The following SLC25A47 variants were observed in gnomAD, a reference collection of about 807,000 sequenced individuals.
SLC25A47 encodes HCC-down-regulated mitochondrial carrier protein.
SLC25A47 carries 30 observed loss-of-function variants against 29.8 expected under a neutral mutation model. The ratio of observed to expected loss-of-function variants is 1.01; its 90% CI spans 0.75 to 1.36. The LOEUF (loss-of-function observed/expected upper bound fraction) is 1.36. Among genes scored for constraint, SLC25A47 ranks in the 40% most tolerant of loss-of-function variants. SLC25A47 has a pLI of 0.00. For synonymous variants in SLC25A47, 204 were observed against 197.8 expected, an observed-to-expected ratio of 1.03 and a Z score of -0.26; for missense variants, 430 against 441.9, an observed-to-expected ratio of 0.97 and a Z score of 0.24.
At chr14:100,324,016 A>T (rs1320740955) in intron 1 of SLC25A47, among the ~76,000 whole-genome samples, 1 of 152,056 alleles carries the variant, frequency 6.6e-6, no homozygotes, top group Non-Finnish European at 1.5e-5. Context: ...TGAAAGACTG[A>T]TTCAGGGAGA....
intron 1 of SLC25A47, 122 bp downstream of exon 1, chr14:100,323,564 T>C: frequency 1.2e-5 from 15 of 1,201,068 alleles, no homozygotes; most frequent in Non-Finnish European, 1.8e-5. Flanking sequence ...CCCCCCAGGA[T>C]CTGCCAGGAG....
At chr14:100,323,882 G>A (rs907383320) in intron 1 of SLC25A47, among the ~76,000 whole-genome samples, 2 of 152,160 alleles carry the variant, frequency 1.3e-5, no homozygotes, top group Non-Finnish European at 2.9e-5. Context: ...GGACGGTAAG[G>A]GGCCTGGCGA....
At chr14:100,323,582 C>T in intron 1 of SLC25A47, 140 bp downstream of exon 1, 3 of 1,038,730 alleles carry the variant, frequency 2.9e-6, no homozygotes, top group Middle Eastern at 4.9e-4. Context: ...GAGCAGAGAG[C>T]AGGTTCCTGG....
Position 100,328,907 on chromosome 14 carries a change from C to T in SLC25A47, c.509C>T (p.Ala170Val), listed in dbSNP as rs557523374. 2 of 1,610,340 alleles carry T rather than the reference C, an allele frequency of 1.2e-6. No individual in the cohort carries two copies. The highest frequency in any genetic ancestry group is 1.6e-4 in the Middle Eastern group (1 of 6,062). ...RGPLHCLATV[A>V]REEGLCGLYK... is the part of the protein sequence containing the mutation. ...CCACTGCACTGCCTGGCCACGGTAG[C>T]CCGTGAGGAGGGGCTGTGCGGCCTC... The change falls in exon 5 of 6, where the codon GCC (alanine) becomes GTC (valine). Residue 170 changes from alanine (A) to valine (V), a missense_variant. Physicochemically the swap from Ala to Val is moderately conservative, Grantham distance 64. Coordinates refer to ENST00000361529, the MANE Select transcript of SLC25A47 (RefSeq NM_207117.4).
intron 1 of SLC25A47, 115 bp downstream of exon 1, chr14:100,323,557 C>G: frequency 1.6e-6 from 2 of 1,259,762 alleles, no homozygotes; most frequent in East Asian, 2.4e-5. Flanking sequence ...CCCCTCACCC[C>G]CCAGGATCTG....
At chr14:100,326,099 C>T in intron 2 of SLC25A47, 58 bp from the exon 3 acceptor site, 1 of 1,449,342 alleles carries the variant, frequency 6.9e-7, no homozygotes, top group Non-Finnish European at 9.6e-7. Flanking sequence ...TCCCCAGGGC[C>T]TGCTGGCCTT....
At position 100,327,384 on chromosome 14, in the gene SLC25A47, G is replaced by C; in HGVS notation, c.327+14G>C. ...GGCCTCGTCCGCGTGAGTAGGGGCA[G>C]CCAGGGTGGGGAAGGCCCAAGAGAG... is the stretch of plus-strand genomic sequence containing the variant. On this transcript the variant is annotated intron_variant, in intron 4 of 5. Transcript: ENST00000361529. 13 of 1,580,662 alleles carry C rather than the reference G, an allele frequency of 8.2e-6. No homozygotes were observed. The highest frequency in any genetic ancestry group is 1.1e-5 in the Non-Finnish European group (13 of 1,169,354).
In SLC25A47 at chr14:100,323,388, C is replaced by T. The variant is rs1453335670; in HGVS notation, c.-27C>T. On this transcript the variant is annotated 5_prime_UTR_variant, in exon 1 of 6. Transcript: ENST00000361529. The stretch of plus-strand genomic sequence containing the variant: ...CCAAAGCCCTCTCAGGCAGGCAGAC[C>T]CAGGGCCTCCCCGCCACACCTTGTT... 5 of 1,612,682 alleles carry T rather than the reference C, an allele frequency of 3.1e-6. No homozygotes were observed. Among genetic ancestry groups the T allele is most frequent in the Non-Finnish European group, 4.2e-6 (5 of 1,179,712 alleles).
chr14:100,323,383 C>CT lies in SLC25A47; in HGVS notation c.-32_-31insT. On this transcript the variant is annotated 5_prime_UTR_variant, in exon 1 of 6. Coordinates refer to ENST00000361529, the MANE Select transcript of SLC25A47 (RefSeq NM_207117.4). ...TGGCACCAAAGCCCTCTCAGGCAGGCAGACCCAGGGCCTCCCCGCCACACC... is the reference window on the plus strand; with the variant it reads ...TGGCACCAAAGCCCTCTCAGGCAGGCTAGACCCAGGGCCTCCCCGCCACACC... 1.2e-6 allele frequency: 2 copies of CT among 1,612,068 alleles called. No individual in the cohort carries two copies. Among genetic ancestry groups the CT allele is most frequent in the South Asian group, 2.2e-5 (2 of 91,034 alleles).
At chr14:100,328,532 G>A (rs914294502) in intron 4 of SLC25A47, among the ~76,000 whole-genome samples, 194 bp from the exon 5 acceptor site, 1 of 152,270 alleles carries the variant, frequency 6.6e-6, no homozygotes, top group African/African-American at 2.4e-5. Flanking sequence ...GGCTGCCGAG[G>A]AAGCATGGGC....
chr14:100,325,157 G>C (rs1402166355), intron 1 of SLC25A47, among the ~76,000 whole-genome samples: 3 of 152,208 alleles, frequency 2.0e-5, no homozygotes, highest in Admixed American at 2.0e-4. Flanking sequence ...CTGTGGCAGT[G>C]CTGGGGCTTG....
chr14:100,329,662 G>T lies in SLC25A47; in HGVS notation c.*17G>T, dbSNP rs769564458. The T allele has an allele frequency of 6.3e-7, 1 of 1,593,718 alleles. No individual in the cohort carries two copies. Among genetic ancestry groups the T allele is most frequent in the East Asian group, 2.2e-5 (1 of 44,632 alleles). On this transcript the variant is annotated 3_prime_UTR_variant, in exon 6 of 6. Coordinates refer to ENST00000361529, the MANE Select transcript of SLC25A47 (RefSeq NM_207117.4). ...CTCACATAGCCGGTCCCCACGCCCA[G>T]CGGCCCACCCACCAGCAGCTGCTGG... is the stretch of plus-strand genomic sequence containing the variant.
intron 4 of SLC25A47, 61 bp downstream of exon 4, chr14:100,327,431 TC>T: frequency 6.6e-7 from 1 of 1,509,352 alleles, no homozygotes; most frequent in Non-Finnish European, 8.9e-7. Flanking sequence ...TGAGAGGTTA[TC>T]CATCCTGGCA....
At chr14:100,327,672 G>T (rs1472582952) in intron 4 of SLC25A47, among the ~76,000 whole-genome samples, 1 of 152,224 alleles carries the variant, frequency 6.6e-6, no homozygotes, top group Admixed American at 6.5e-5. Flanking sequence ...CCACCATGGG[G>T]AGCTGAATAG....
At chr14:100,326,701 C>T (rs1893345020) in intron 3 of SLC25A47, among the ~76,000 whole-genome samples, 3 of 152,192 alleles carry the variant, frequency 2.0e-5, no homozygotes, top group South Asian at 4.1e-4. Context: ...AGGCCAGGAG[C>T]GGTGGCTTAC....
chr14:100,327,103 G>C, intron 3 of SLC25A47, 85 bp from the exon 4 acceptor site: 1 of 1,339,328 alleles, frequency 7.5e-7, no homozygotes, highest in Non-Finnish European at 1.0e-6. Context: ...CGACAGCGGA[G>C]TGCGGAGCAG....
chr14:100,329,528 A>G lies in SLC25A47; in HGVS notation c.810A>G (p.Gly270=). The change falls in exon 6 of 6, where the codon GGA becomes GGG. Residue 270 remains glycine, a synonymous_variant. Coordinates refer to ENST00000361529, the MANE Select transcript of SLC25A47 (RefSeq NM_207117.4). ...HCMVTSVREE[G]PRVLFKGLVL... is the part of the protein sequence containing the mutation. Reference sequence around the variant, plus strand: ...TGGTGACCAGCGTTCGAGAGGAGGGACCCCGGGTCCTTTTCAAGGGGCTGG... The same window carrying G: ...TGGTGACCAGCGTTCGAGAGGAGGGGCCCCGGGTCCTTTTCAAGGGGCTGG... The G allele has an allele frequency of 2.5e-6, 4 of 1,613,034 alleles. No individual in the cohort carries two copies. The highest frequency in any genetic ancestry group is 3.4e-6 in the Non-Finnish European group (4 of 1,179,916).
intron 1 of SLC25A47, among the ~76,000 whole-genome samples, chr14:100,325,275 C>T (rs561443004): frequency 3.0e-4 from 46 of 152,328 alleles, no homozygotes; most frequent in Middle Eastern, 6.8e-3. Context: ...TCACGAACCC[C>T]GGTGTGGGCT....
intron 3 of SLC25A47, 95 bp from the exon 4 acceptor site, chr14:100,327,093 C>T (rs570699837): frequency 2.8e-5 from 35 of 1,258,750 alleles, no homozygotes; most frequent in African/African-American, 1.2e-4. Flanking sequence ...TCCCGAGGTC[C>T]GACAGCGGAG....
Sources: gnomAD v4.1 joint callset for allele counts (sites outside exome capture counted in the v4.1 genomes callset) on GRCh38, gnomAD v4.1.1 for gene constraint, MANE v1.5 for transcripts, NCBI Gene and HGNC (gene_info 2026-07-23, HGNC 2026-07-21) for gene names.